SMOC2: variants seen among roughly 807,000 people sequenced by gnomAD.
SMOC2 encodes SPARC-related modular calcium-binding protein 2.
A neutral mutation model predicts 61.4 loss-of-function variants in SMOC2; 39 were observed. The observed-to-expected ratio is 0.64, with a 90% confidence interval of 0.49 to 0.83. The LOEUF (loss-of-function observed/expected upper bound fraction) is 0.83. Among genes scored for constraint, SMOC2 ranks in the 40% least tolerant of loss-of-function variants. The pLI, the probability that SMOC2 is intolerant of heterozygous loss-of-function variation, is 0.00. For synonymous variants in SMOC2, 247 were observed against 239.9 expected (o/e 1.03, Z -0.27); for missense variants, 556 against 592.9 (o/e 0.94, Z 0.65).
chr6:168,607,303 C>T (rs1785724192), intron 8 of SMOC2, among the ~76,000 whole-genome samples: 1 of 152,196 alleles, frequency 6.6e-6, no homozygotes, highest in African/African-American at 2.4e-5. Context: ...TTGCCCTACA[C>T]CCAGGACAAG....
At chr6:168,635,262 G>A (rs980714720) in intron 9 of SMOC2, among the ~76,000 whole-genome samples, 1 of 152,274 alleles carries the variant, frequency 6.6e-6, no homozygotes, top group East Asian at 1.9e-4. Flanking sequence ...CCAGACGTAC[G>A]CCGGACATCG....
chr6:168,575,956 G>T (rs1298397721), intron 7 of SMOC2, among the ~76,000 whole-genome samples: 1 of 152,116 alleles, frequency 6.6e-6, no homozygotes, highest in Non-Finnish European at 1.5e-5. Context: ...TCGGCCACAT[G>T]CTGGCAGGAG....
At chr6:168,573,924 G>T (rs575388845) in intron 7 of SMOC2, among the ~76,000 whole-genome samples, 1 of 152,312 alleles carries the variant, frequency 6.6e-6, no homozygotes, top group Non-Finnish European at 1.5e-5. Flanking sequence ...TGAACCAGTC[G>T]CTGTGGCCAG....
At chr6:168,462,870 G>A (rs186705966) in intron 1 of SMOC2, among the ~76,000 whole-genome samples, 196 of 152,284 alleles carry the variant, frequency 1.3e-3, no homozygotes, top group Admixed American at 3.9e-3. Flanking sequence ...AAGGCAGAGC[G>A]GAGCCTTGGG....
intron 9 of SMOC2, among the ~76,000 whole-genome samples, chr6:168,636,818 G>A (rs1465553155): frequency 6.6e-6 from 1 of 151,434 alleles, no homozygotes; most frequent in African/African-American, 2.4e-5. Context: ...ACACATGCCT[G>A]GCCCTGGCCA....
Position 168,656,526 on chromosome 6 carries a change from A to AAAAAG in SMOC2, c.1285+3313_1285+3317dup, listed in dbSNP as rs1234718962. ...TTGTGTTAAAAAAAAAAAAAAAAAA[A>AAAAAG]AAAAGAAAAGAAAAGAAAAAGAGAA... is the stretch of plus-strand genomic sequence containing the variant. On this transcript the variant is annotated intron_variant, in intron 11 of 12. Transcript: ENST00000356284. 1.7e-3 allele frequency among the ~76,000 whole-genome samples: 199 copies of AAAAAG among 119,982 alleles called. 2 individuals carry two copies. The highest frequency in any genetic ancestry group is 0.015 in the Middle Eastern group (3 of 204). 78.7% of individuals were successfully genotyped at this position (119,982 alleles called of 152,430 possible). A position where few individuals can be genotyped will look rare whatever the true frequency, so the allele number is the denominator to read the frequency against.
At chr6:168,516,952 T>A (rs1783152983) in intron 2 of SMOC2, among the ~76,000 whole-genome samples, 1 of 152,130 alleles carries the variant, frequency 6.6e-6, no homozygotes, top group African/African-American at 2.4e-5. Context: ...AAACTCCGTC[T>A]GAAGAAAAAA....
intron 1 of SMOC2, among the ~76,000 whole-genome samples, chr6:168,508,934 G>A (rs1782942021): frequency 6.6e-6 from 1 of 152,180 alleles, no homozygotes; most frequent in African/African-American, 2.4e-5. Flanking sequence ...GATAGTCTGG[G>A]GACCAAAGGC....
At chr6:168,591,756 T>C (rs1405589416) in intron 7 of SMOC2, among the ~76,000 whole-genome samples, 1 of 151,892 alleles carries the variant, frequency 6.6e-6, no homozygotes, top group Non-Finnish European at 1.5e-5. Flanking sequence ...TTATTTTTTC[T>C]TTATACATTA....
chr6:168,609,888 T>A (rs371223104), intron 9 of SMOC2, among the ~76,000 whole-genome samples: 17 of 152,342 alleles, frequency 1.1e-4, no homozygotes, highest in East Asian at 9.6e-4. Flanking sequence ...ACACAGGTGA[T>A]ACGAGTGCAA....
At chr6:168,564,533 T>A (rs1784500348) in intron 7 of SMOC2, among the ~76,000 whole-genome samples, 1 of 152,210 alleles carries the variant, frequency 6.6e-6, no homozygotes, top group South Asian at 2.1e-4. Context: ...GAAAGGAAGT[T>A]TCAGGCTTTA....
At chr6:168,456,814 A>C (rs1204571178) in intron 1 of SMOC2, among the ~76,000 whole-genome samples, 2 of 152,180 alleles carry the variant, frequency 1.3e-5, no homozygotes, top group Admixed American at 1.3e-4. Flanking sequence ...AGCAAAAGGC[A>C]TGTCACTGTG....
At chr6:168,441,526 G>A in intron 1 of SMOC2, 72 bp downstream of exon 1, 1 of 1,418,076 alleles carries the variant, frequency 7.1e-7, no homozygotes, top group East Asian at 3.1e-5. Flanking sequence ...TCGGGTCCCC[G>A]CGCCCCGCTC....
intron 9 of SMOC2, among the ~76,000 whole-genome samples, chr6:168,625,552 T>A (rs774573987): frequency 5.9e-5 from 9 of 152,234 alleles, no homozygotes; most frequent in Non-Finnish European, 1.2e-4. Context: ...GTTCTTTCTT[T>A]ATTAAAACTA....
chr6:168,504,928 C>T (rs914990532), intron 1 of SMOC2, among the ~76,000 whole-genome samples: 8 of 151,930 alleles, frequency 5.3e-5, no homozygotes, highest in Non-Finnish European at 7.4e-5. Flanking sequence ...AGCAAGAAGT[C>T]GAAGACAATA....
At chr6:168,515,734 GGGGCT>G (rs1287336309) in intron 2 of SMOC2, among the ~76,000 whole-genome samples, 2 of 121,616 alleles carry the variant, frequency 1.6e-5, no homozygotes. Flanking sequence ...ACGCAGCATA[GGGGCT>G]CCTGGGGAGC....
chr6:168,451,729 C>A lies in SMOC2; in HGVS notation c.84+10275C>A, dbSNP rs1388496664. On this transcript the variant is annotated intron_variant, in intron 1 of 12. Transcript: ENST00000356284. ...CCTGAACATACACGTCCGTTAAGTT[C>A]TTTCTTTTTAGGATACGCAGATCTG... Among the ~76,000 whole-genome samples, 3 of 152,106 alleles carry A rather than the reference C, an allele frequency of 2.0e-5. No homozygotes were observed. In the East Asian group the frequency reaches 5.8e-4, roughly 29 times the overall value.
chr6:168,554,255 A>G (rs1407299024), intron 7 of SMOC2, among the ~76,000 whole-genome samples: 1 of 152,250 alleles, frequency 6.6e-6, no homozygotes, highest in African/African-American at 2.4e-5. Flanking sequence ...GATAAGCCCC[A>G]TCATGTGATA....
At chr6:168,577,425 C>G (rs1277781411) in intron 7 of SMOC2, among the ~76,000 whole-genome samples, 1 of 152,178 alleles carries the variant, frequency 6.6e-6, no homozygotes, top group Non-Finnish European at 1.5e-5. Flanking sequence ...ATGTTTGGTT[C>G]TTTTTCCTTG....
Sources: gnomAD v4.1 joint callset for allele counts (sites outside exome capture counted in the v4.1 genomes callset) on GRCh38, gnomAD v4.1.1 for gene constraint, MANE v1.5 for transcripts, NCBI Gene and HGNC (gene_info 2026-07-23, HGNC 2026-07-21) for gene names.